The following TMEM150C variants were observed in gnomAD, a reference collection of about 807,000 sequenced individuals.
TMEM150C encodes tentonin 3.
A neutral mutation model predicts 29.9 loss-of-function variants in TMEM150C; 10 were observed. That is an observed-to-expected ratio of 0.33 (90% CI 0.21 to 0.57). The LOEUF (loss-of-function observed/expected upper bound fraction) is 0.57. Ranked by LOEUF, TMEM150C falls within the 20% of genes least tolerant of loss-of-function variation. The pLI is 0.88. For synonymous variants in TMEM150C, 101 were observed against 112.5 expected (o/e 0.90, Z 0.64); for missense variants, 251 against 303.6 (o/e 0.83, Z 1.29).
At chr4:82,550,799 A>AAAAG (rs200713273) in intron 1 of TMEM150C, among the ~76,000 whole-genome samples, 19 of 151,878 alleles carry the variant, frequency 1.3e-4, no homozygotes, top group South Asian at 4.1e-4. Flanking sequence ...CAAAAAAAAA[A>AAAAG]AAAGAAAGAA....
At chr4:82,496,991 T>C (rs368514431) in intron 5 of TMEM150C, among the ~76,000 whole-genome samples, 1 of 152,232 alleles carries the variant, frequency 6.6e-6, no homozygotes, top group East Asian at 1.9e-4. Flanking sequence ...ACTCAATTCC[T>C]GAAAATAATA....
intron 1 of TMEM150C, among the ~76,000 whole-genome samples, chr4:82,521,819 G>T (rs749545997): frequency 6.6e-6 from 1 of 152,206 alleles, no homozygotes; most frequent in Non-Finnish European, 1.5e-5. Flanking sequence ...GAACGCTCAG[G>T]AGGGGGACTG....
chr4:82,492,005 A>T, intron 6 of TMEM150C, among the ~76,000 whole-genome samples: 1 of 141,634 alleles, frequency 7.1e-6, no homozygotes, highest in African/African-American at 2.9e-5. Flanking sequence ...AGTGGCACTC[A>T]GTTCACTGCA....
intron 5 of TMEM150C, among the ~76,000 whole-genome samples, chr4:82,497,667 G>T (rs1266714574): frequency 6.6e-6 from 1 of 152,178 alleles, no homozygotes; most frequent in Non-Finnish European, 1.5e-5. Context: ...AGCTAGTACC[G>T]ACTATTGATC....
At chr4:82,550,769 G>C (rs1038498274) in intron 1 of TMEM150C, among the ~76,000 whole-genome samples, 4 of 151,274 alleles carry the variant, frequency 2.6e-5, no homozygotes, top group Non-Finnish European at 4.4e-5. Context: ...CAGCCTGGGC[G>C]ACAGAGCGAG....
At chr4:82,541,166 T>G (rs533258820) in intron 1 of TMEM150C, among the ~76,000 whole-genome samples, 1 of 152,208 alleles carries the variant, frequency 6.6e-6, no homozygotes, top group Non-Finnish European at 1.5e-5. Flanking sequence ...AGCAAGGAAA[T>G]CCTTAGTAAG....
chr4:82,534,159 A>G (rs1356596209), intron 1 of TMEM150C, among the ~76,000 whole-genome samples: 1 of 152,208 alleles, frequency 6.6e-6, no homozygotes, highest in Non-Finnish European at 1.5e-5. Flanking sequence ...GGTGGGTTCT[A>G]TTAGTGTTTA....
At chr4:82,490,031 C>G in intron 7 of TMEM150C, 30 bp downstream of exon 7, 1 of 1,603,778 alleles carries the variant, frequency 6.2e-7, no homozygotes, top group Non-Finnish European at 8.5e-7. Flanking sequence ...ATCTTACTGG[C>G]AAAAGAAGCT....
intron 6 of TMEM150C, chr4:82,490,956 C>G: frequency 5.5e-6 from 4 of 728,752 alleles, no homozygotes; most frequent in Non-Finnish European, 1.0e-5. Context: ...GTAATTGGTC[C>G]TGATAGCTTC....
At chr4:82,496,252 G>A in intron 5 of TMEM150C, 57 bp from the exon 6 acceptor site, 1 of 1,485,764 alleles carries the variant, frequency 6.7e-7, no homozygotes, top group Non-Finnish European at 9.2e-7. Flanking sequence ...CCTAGACTGT[G>A]AGGCAGAATT....
chr4:82,516,170 G>A (rs1724290074), intron 1 of TMEM150C, among the ~76,000 whole-genome samples: 1 of 152,084 alleles, frequency 6.6e-6, no homozygotes, highest in African/African-American at 2.4e-5. Context: ...AGCAAATTCA[G>A]GTTGAATCTT....
intron 1 of TMEM150C, among the ~76,000 whole-genome samples, chr4:82,537,045 G>A (rs540678120): frequency 9.2e-5 from 14 of 152,172 alleles, no homozygotes; most frequent in South Asian, 2.1e-4. Flanking sequence ...GCAGTGGCTC[G>A]ATCTAGGCTC....
intron 1 of TMEM150C, among the ~76,000 whole-genome samples, chr4:82,511,308 T>C (rs984739646): frequency 6.6e-6 from 1 of 152,146 alleles, no homozygotes; most frequent in African/African-American, 2.4e-5. Flanking sequence ...TGATGATTCC[T>C]AAGAACCAAT....
chr4:82,532,534 T>C (rs974180270), intron 1 of TMEM150C, among the ~76,000 whole-genome samples: 3 of 152,128 alleles, frequency 2.0e-5, no homozygotes, highest in East Asian at 3.8e-4. Flanking sequence ...ATATCAAGTG[T>C]CTTAAGAAAG....
intron 1 of TMEM150C, among the ~76,000 whole-genome samples, chr4:82,508,313 A>AT (rs562782858): frequency 4.0e-5 from 6 of 151,604 alleles, no homozygotes; most frequent in Admixed American, 6.6e-5. Context: ...TTGTCTTTGC[A>AT]TTTTTTCTTT....
chr4:82,504,704 A>G, intron 1 of TMEM150C, 37 bp from the exon 2 acceptor site: 1 of 1,530,464 alleles, frequency 6.5e-7, no homozygotes, highest in Non-Finnish European at 9.0e-7. Context: ...AATTAAGGCA[A>G]AACATTTACT....
At chr4:82,524,423 AC>A (rs1560491495) in intron 1 of TMEM150C, among the ~76,000 whole-genome samples, 1 of 151,990 alleles carries the variant, frequency 6.6e-6, no homozygotes, top group Non-Finnish European at 1.5e-5. Flanking sequence ...GTGTCTTGGG[AC>A]CCCCACGTTT....
intron 1 of TMEM150C, among the ~76,000 whole-genome samples, chr4:82,551,100 GC>G (rs1435273337): frequency 2.6e-5 from 4 of 152,196 alleles, no homozygotes; most frequent in Non-Finnish European, 5.9e-5. Flanking sequence ...AAGACATGGA[GC>G]CAGATTGTCA....
chr4:82,524,286 A>T (rs1346140655), intron 1 of TMEM150C, among the ~76,000 whole-genome samples: 1 of 152,110 alleles, frequency 6.6e-6, no homozygotes, highest in Non-Finnish European at 1.5e-5. Flanking sequence ...AAATTAGGTT[A>T]CAGAATCTAA....
Sources: allele counts gnomAD v4.1 joint callset (sites outside exome capture counted in the v4.1 genomes callset), GRCh38; gene constraint gnomAD v4.1.1; transcripts MANE v1.5; gene names NCBI Gene and HGNC (gene_info 2026-07-23, HGNC 2026-07-21).